RABGAP1: variants seen among roughly 807,000 people sequenced by gnomAD.
RABGAP1 encodes the protein rab GTPase-activating protein 1.
A neutral mutation model predicts 137.6 loss-of-function variants in RABGAP1; 23 were observed. The observed-to-expected ratio is 0.17, with a 90% CI of 0.12 to 0.24. RABGAP1 has a LOEUF of 0.24. Among genes scored for constraint, RABGAP1 ranks in the 10% least tolerant of loss-of-function variants. RABGAP1 has a pLI of 1.00. For missense variants in RABGAP1, 906 were observed against 1,275.8 expected (o/e 0.71, Z 4.42); for synonymous variants, 451 against 450.7 (o/e 1.00, Z -0.01).
intron 15 of RABGAP1, 27 bp from the exon 16 acceptor site, chr9:123,073,525 A>G: frequency 1.2e-6 from 2 of 1,601,024 alleles, no homozygotes; most frequent in Non-Finnish European, 1.7e-6. Context: ...CATCCTCCCT[A>G]CCCAACAACT....
intron 13 of RABGAP1, 127 bp downstream of exon 13, chr9:123,020,586 C>A: frequency 1.0e-6 from 1 of 977,608 alleles, no homozygotes; most frequent in Non-Finnish European, 1.3e-6. Context: ...ACTGTTAATA[C>A]TTCCAGCTCT....
chr9:123,051,742 C>CTATTTTATTTTATTTTATTTTATTT (rs66629098), intron 13 of RABGAP1, among the ~76,000 whole-genome samples: 1 of 140,132 alleles, frequency 7.1e-6, no homozygotes, highest in African/African-American at 2.7e-5. Flanking sequence ...AAGAGAAAAG[C>CTATTTTATTTTATTTTATTTTATTT]TATTTTATTT....
intron 1 of RABGAP1, among the ~76,000 whole-genome samples, chr9:122,948,068 C>G (rs1834036574): frequency 6.6e-6 from 1 of 151,766 alleles, no homozygotes; most frequent in South Asian, 2.1e-4. Context: ...CACACACACA[C>G]ACACACACAC....
chr9:122,978,018 A>C (rs1409546169), intron 2 of RABGAP1, among the ~76,000 whole-genome samples: 2 of 152,210 alleles, frequency 1.3e-5, no homozygotes, highest in East Asian at 3.8e-4. Flanking sequence ...ATTTTAGGTC[A>C]GATTTTTTGA....
At chr9:122,978,970 C>A (rs1039932213) in intron 2 of RABGAP1, among the ~76,000 whole-genome samples, 1 of 151,896 alleles carries the variant, frequency 6.6e-6, no homozygotes, top group African/African-American at 2.4e-5. Flanking sequence ...GTGGCATAAT[C>A]TCACTGCAGC....
intron 1 of RABGAP1, among the ~76,000 whole-genome samples, chr9:122,947,292 A>G (rs7861791): frequency 0.11 from 16,672 of 152,184 alleles, 2,904 homozygotes; most frequent in African/African-American, 0.37. Flanking sequence ...AGAGTAGTCA[A>G]TTTCTTAGAG....
intron 2 of RABGAP1, among the ~76,000 whole-genome samples, chr9:122,958,489 A>G (rs200148957): frequency 6.6e-6 from 1 of 152,190 alleles, no homozygotes; most frequent in Non-Finnish European, 1.5e-5. Context: ...ATTTTTGTCA[A>G]AATGAGAATA....
In RABGAP1 at chr9:122,983,497, T is replaced by C. The variant is rs370552634; in HGVS notation, c.151-988T>C. Among the ~76,000 whole-genome samples, 7 of 152,196 alleles carry C rather than the reference T, an allele frequency of 4.6e-5. No homozygotes were observed. In the East Asian group the frequency reaches 1.2e-3, roughly 25 times the overall value. On this transcript the variant is annotated intron_variant, in intron 2 of 25. Coordinates refer to ENST00000373647, the MANE Select transcript of RABGAP1 (RefSeq NM_012197.4). The stretch of plus-strand genomic sequence containing the variant: ...GTTTATAGAATTATAAAAGCCTGAA[T>C]CAATAAAAGTACTTGAATTGGATTT...
At chr9:122,984,297 T>G (rs1836247910) in intron 2 of RABGAP1, among the ~76,000 whole-genome samples, 188 bp from the exon 3 acceptor site, 1 of 152,190 alleles carries the variant, frequency 6.6e-6, no homozygotes, top group Non-Finnish European at 1.5e-5. Flanking sequence ...AAAAACTATG[T>G]AATTGAGAGA....
At chr9:123,020,570 A>G in intron 13 of RABGAP1, 111 bp downstream of exon 13, 6 of 1,106,648 alleles carry the variant, frequency 5.4e-6, no homozygotes, top group South Asian at 3.2e-5. Context: ...TTTATTTAAG[A>G]ATAGAACTGT....
chr9:123,035,438 G>C, intron 13 of RABGAP1: 2 of 1,614,114 alleles, frequency 1.2e-6, no homozygotes, highest in South Asian at 2.2e-5. Context: ...TTGACCACCT[G>C]GCTTGCTATT....
chr9:122,979,188 G>A (rs535080841), intron 2 of RABGAP1, among the ~76,000 whole-genome samples: 1 of 152,250 alleles, frequency 6.6e-6, no homozygotes, highest in Non-Finnish European at 1.5e-5. Context: ...ATGAACCACT[G>A]CGCCCAGACT....
intron 13 of RABGAP1, among the ~76,000 whole-genome samples, chr9:123,038,164 C>T (rs1294257786): frequency 1.3e-5 from 2 of 151,984 alleles, no homozygotes; most frequent in African/African-American, 4.8e-5. Flanking sequence ...CTAGTGTGCT[C>T]AACTTTAGTG....
chr9:122,952,194 G>A (rs1369644255), intron 1 of RABGAP1, among the ~76,000 whole-genome samples: 2 of 152,086 alleles, frequency 1.3e-5, no homozygotes, highest in African/African-American at 2.4e-5. Context: ...GGCTGGGTAC[G>A]GCAGTTTATG....
intron 13 of RABGAP1, chr9:123,061,869 A>G (rs1332324105): frequency 6.6e-6 from 1 of 152,222 alleles, no homozygotes; most frequent in East Asian, 1.9e-4. Flanking sequence ...CAGCCTCCTT[A>G]AGAGGATGTA....
At chr9:123,019,928 C>T (rs1298975729) in intron 12 of RABGAP1, among the ~76,000 whole-genome samples, 1 of 152,160 alleles carries the variant, frequency 6.6e-6, no homozygotes, top group African/African-American at 2.4e-5. Context: ...AGGTGATATA[C>T]CCACCTCGGC....
chr9:122,975,943 TG>T (rs1291207443), intron 2 of RABGAP1, among the ~76,000 whole-genome samples: 1 of 152,218 alleles, frequency 6.6e-6, no homozygotes, highest in Non-Finnish European at 1.5e-5. Flanking sequence ...ATGTCTTACT[TG>T]GGAGTCCAAG....
At chr9:123,021,108 A>G (rs1204047591) in intron 13 of RABGAP1, among the ~76,000 whole-genome samples, 2 of 152,164 alleles carry the variant, frequency 1.3e-5, no homozygotes, top group East Asian at 3.8e-4. Context: ...TGAAGTGTTT[A>G]TCTTCAGGAA....
At chr9:123,065,318 T>G in intron 13 of RABGAP1, 30 bp from the exon 14 acceptor site, 8 of 1,492,128 alleles carry the variant, frequency 5.4e-6, no homozygotes, top group South Asian at 1.2e-5. Context: ...TTAACCTAAC[T>G]AAACCCTCTC....
Sources: gnomAD v4.1 joint callset for allele counts (sites outside exome capture counted in the v4.1 genomes callset) on GRCh38, gnomAD v4.1.1 for gene constraint, MANE v1.5 for transcripts, NCBI Gene and HGNC (gene_info 2026-07-23, HGNC 2026-07-21) for gene names.